The following LUZP2 variants were observed in gnomAD, a reference collection of about 807,000 sequenced individuals.
LUZP2 encodes leucine zipper protein 2.
Under a neutral mutation model 51.6 loss-of-function variants are expected in LUZP2, and 52 were observed. That is an observed-to-expected ratio of 1.01 (90% CI 0.81 to 1.27). LUZP2 has a LOEUF of 1.27. Ranked by LOEUF, LUZP2 falls within the 50% of genes most tolerant of loss-of-function variation. The probability of loss-of-function intolerance (pLI) is 0.00; values close to 1 mark genes in which losing one functional copy is unlikely to be tolerated. For missense variants in LUZP2, 436 were observed against 395.4 expected, an observed-to-expected ratio of 1.10 and a Z score of -0.87; for synonymous variants, 154 against 137.3, an observed-to-expected ratio of 1.12 and a Z score of -0.85.
At chr11:24,874,293 C>T (rs1232726275) in intron 5 of LUZP2, among the ~76,000 whole-genome samples, 1 of 151,988 alleles carries the variant, frequency 6.6e-6, no homozygotes, top group Non-Finnish European at 1.5e-5. Flanking sequence ...GAGCTGGGGT[C>T]CAAGGGGAGT....
At chr11:24,796,030 G>C (rs1200123316) in intron 5 of LUZP2, among the ~76,000 whole-genome samples, 2 of 152,180 alleles carry the variant, frequency 1.3e-5, no homozygotes, top group Non-Finnish European at 2.9e-5. Context: ...AACTTATTTT[G>C]AGTGTTCTCA....
At chr11:24,595,341 G>C (rs1853406602) in intron 1 of LUZP2, among the ~76,000 whole-genome samples, 1 of 152,140 alleles carries the variant, frequency 6.6e-6, no homozygotes, top group African/African-American at 2.4e-5. Context: ...GGTGTTCCAA[G>C]AAGGAGCAAA....
At chr11:24,912,655 A>G (rs1853671862) in intron 6 of LUZP2, among the ~76,000 whole-genome samples, 1 of 151,990 alleles carries the variant, frequency 6.6e-6, no homozygotes, top group Non-Finnish European at 1.5e-5. Context: ...CTAAAATACA[A>G]AAAAATTAGT....
intron 5 of LUZP2, among the ~76,000 whole-genome samples, chr11:24,765,587 A>G (rs1431157131): frequency 6.6e-6 from 1 of 151,522 alleles, no homozygotes; most frequent in Non-Finnish European, 1.5e-5. Flanking sequence ...AAGAAATGAG[A>G]TAGACAGCAA....
chr11:24,681,398 G>A (rs1856733573), intron 1 of LUZP2, among the ~76,000 whole-genome samples: 1 of 152,156 alleles, frequency 6.6e-6, no homozygotes, highest in African/African-American at 2.4e-5. Flanking sequence ...AATTACTCAA[G>A]TTATAAGTGT....
At chr11:24,873,733 T>C (rs1446004936) in intron 5 of LUZP2, among the ~76,000 whole-genome samples, 2 of 152,118 alleles carry the variant, frequency 1.3e-5, no homozygotes, top group African/African-American at 4.8e-5. Context: ...AGGGCCTGGG[T>C]TTAGATAATG....
intron 1 of LUZP2, among the ~76,000 whole-genome samples, chr11:24,533,968 C>T (rs1167323231): frequency 2.0e-5 from 3 of 151,290 alleles, no homozygotes; most frequent in Non-Finnish European, 4.4e-5. Context: ...GGACAGTAAT[C>T]ACTCCTTAGG....
At chr11:25,060,119 G>A (rs1331883409) in intron 10 of LUZP2, among the ~76,000 whole-genome samples, 6 of 152,112 alleles carry the variant, frequency 3.9e-5, no homozygotes, top group Non-Finnish European at 8.8e-5. Flanking sequence ...AACCTTCCAA[G>A]TTCATACAAT....
chr11:24,919,468 G>T (rs1232649624), intron 7 of LUZP2, among the ~76,000 whole-genome samples: 1 of 126,150 alleles, frequency 7.9e-6, no homozygotes, highest in Admixed American at 8.7e-5. Context: ...GATAATATAT[G>T]TTATATATTA....
intron 7 of LUZP2, among the ~76,000 whole-genome samples, chr11:24,954,639 G>C (rs1287188558): frequency 6.6e-6 from 1 of 152,016 alleles, no homozygotes; most frequent in East Asian, 1.9e-4. Flanking sequence ...CCACCATGCT[G>C]CTGCATGGAG....
chr11:25,039,497 C>T (rs1476361905), intron 9 of LUZP2, among the ~76,000 whole-genome samples: 1 of 152,114 alleles, frequency 6.6e-6, no homozygotes, highest in African/African-American at 2.4e-5. Flanking sequence ...GGGGCTAAAG[C>T]CTCTTAGAGG....
In LUZP2 at chr11:24,912,870, A is replaced by G. The variant is rs74936771; in HGVS notation, c.460-1606A>G. On this transcript the variant is annotated intron_variant, in intron 6 of 11. Coordinates refer to ENST00000336930, the MANE Select transcript of LUZP2 (RefSeq NM_001009909.4). ...ATCACAATAAACTTGCAGTTGGTTC[A>G]GTGGAAAACATATACATGCATTGTA... is the stretch of plus-strand genomic sequence containing the variant. 9.5e-3 allele frequency among the ~76,000 whole-genome samples: 1,444 copies of G among 152,314 alleles called. 18 individuals carry two copies. Among genetic ancestry groups the G allele is most frequent in the South Asian group, 0.044 (210 of 4,826 alleles).
At chr11:24,629,532 A>ATATATATTACATATATAT (rs1854802716) in intron 1 of LUZP2, among the ~76,000 whole-genome samples, 1 of 130,242 alleles carries the variant, frequency 7.7e-6, no homozygotes, top group Non-Finnish European at 1.6e-5. Flanking sequence ...TCCATTGCAT[A>ATATATATTACATATATAT]TATATATATT....
intron 10 of LUZP2, among the ~76,000 whole-genome samples, chr11:25,060,764 G>A (rs1000808847): frequency 3.9e-5 from 6 of 152,124 alleles, no homozygotes; most frequent in Admixed American, 1.3e-4. Context: ...CATATTAGTG[G>A]ATTTTCCATT....
Position 25,079,721 on chromosome 11 carries a change from AT to A in LUZP2, c.*1064del, listed in dbSNP as rs1859415680. 1 of 152,190 alleles carries A rather than the reference AT, an allele frequency of 6.6e-6. No individual in the cohort carries two copies. Among genetic ancestry groups the A allele is most frequent in the Admixed American group, 6.5e-5 (1 of 15,282 alleles). 9.4% of individuals were successfully genotyped at this position (152,190 alleles called of 1,614,324 possible). ...AATAATTATCTGATTAATAGGTTTC[AT>A]AGGGCATTCAAAGTTGCAGACTCAG... On this transcript the variant is annotated 3_prime_UTR_variant, in exon 12 of 12. Coordinates refer to ENST00000336930, the MANE Select transcript of LUZP2 (RefSeq NM_001009909.4).
At chr11:24,881,600 C>T (rs1002353764) in intron 5 of LUZP2, among the ~76,000 whole-genome samples, 5 of 151,984 alleles carry the variant, frequency 3.3e-5, no homozygotes, top group Non-Finnish European at 7.4e-5. Context: ...CATTTACTCA[C>T]CACTTCTGGC....
chr11:25,058,971 A>G (rs1355720728), intron 10 of LUZP2, among the ~76,000 whole-genome samples: 1 of 152,220 alleles, frequency 6.6e-6, no homozygotes, highest in East Asian at 1.9e-4. Flanking sequence ...TCTAAGTAGC[A>G]TGGTACTCGA....
intron 1 of LUZP2, among the ~76,000 whole-genome samples, chr11:24,659,505 G>T (rs1453769003): frequency 6.6e-6 from 1 of 151,620 alleles, no homozygotes; most frequent in East Asian, 1.9e-4. Flanking sequence ...CACCAACATG[G>T]CACATGTATA....
At chr11:24,557,260 C>T (rs1564989059) in intron 1 of LUZP2, among the ~76,000 whole-genome samples, 2 of 152,122 alleles carry the variant, frequency 1.3e-5, no homozygotes, top group African/African-American at 4.8e-5. Flanking sequence ...TAATAATATA[C>T]ATTATTGAAT....
Sources: gnomAD v4.1 joint callset for allele counts (sites outside exome capture counted in the v4.1 genomes callset) on GRCh38, gnomAD v4.1.1 for gene constraint, MANE v1.5 for transcripts, NCBI Gene and HGNC (gene_info 2026-07-23, HGNC 2026-07-21) for gene names.